Variants in TCF4 observed in about 807,000 individuals in gnomAD.
The protein encoded by TCF4 is SL3-3 enhancer factor 2.
TCF4 carries 3 observed loss-of-function variants against 82.1 expected under a neutral mutation model. The observed-to-expected ratio is 0.04, with a 90% CI of 0.02 to 0.09. TCF4 has a LOEUF of 0.09. TCF4 is among the 10% of genes least tolerant of loss of function. The probability of loss-of-function intolerance (pLI) is 1.00; values close to 1 mark genes in which losing one functional copy is unlikely to be tolerated. For missense variants in TCF4, 518 were observed against 852.7 expected, an observed-to-expected ratio of 0.61 and a Z score of 4.89; for synonymous variants, 276 against 309.6, an observed-to-expected ratio of 0.89 and a Z score of 1.14.
Position 55,586,158 on chromosome 18 carries a change from GCAGCAGCAGCAGCAGC to G in TCF4, c.73-822_73-807del, listed in dbSNP as rs2097646684. On this transcript the variant is annotated intron_variant, in intron 2 of 19. Coordinates refer to ENST00000354452, the MANE Select transcript of TCF4 (RefSeq NM_001083962.2). The stretch of plus-strand genomic sequence containing the variant: ...AGAAGGAGGAGGAGGAGGAGGAGCA[GCAGCAGCAGCAGCAGC>G]AGCAGCAGCAGCAGCAGCAGCAGCA... The G allele has an allele frequency of 7.3e-4, 87 of 119,132 alleles. 4 individuals are homozygous for G. Among genetic ancestry groups the G allele is most frequent in the Admixed American group, 1.9e-3 (7 of 3,650 alleles). 7.4% of individuals were successfully genotyped at this position (119,132 alleles called of 1,614,324 possible).
intron 15 of TCF4, among the ~76,000 whole-genome samples, chr18:55,251,822 C>A (rs926823449): frequency 6.6e-6 from 1 of 152,108 alleles, no homozygotes; most frequent in African/African-American, 2.4e-5. Context: ...TTATTTACTG[C>A]AGCTGGCCAA....
At chr18:55,244,147 T>G (rs1661067712) in intron 15 of TCF4, among the ~76,000 whole-genome samples, 1 of 152,190 alleles carries the variant, frequency 6.6e-6, no homozygotes, top group Non-Finnish European at 1.5e-5. Flanking sequence ...TCCTTTCATC[T>G]TCAGACTGGT....
At chr18:55,557,289 A>G (rs1160799439) in intron 3 of TCF4, among the ~76,000 whole-genome samples, 1 of 152,092 alleles carries the variant, frequency 6.6e-6, no homozygotes, top group African/African-American at 2.4e-5. Context: ...ACACACACAC[A>G]AAGTAGGGAG....
intron 3 of TCF4, among the ~76,000 whole-genome samples, chr18:55,542,510 T>C (rs1016617218): frequency 2.0e-5 from 3 of 152,030 alleles, no homozygotes; most frequent in Non-Finnish European, 4.4e-5. Context: ...TCATATTCAC[T>C]ACATGGATGA....
At chr18:55,362,425 G>A (rs2085646167) in intron 6 of TCF4, among the ~76,000 whole-genome samples, 1 of 136,906 alleles carries the variant, frequency 7.3e-6, no homozygotes. Flanking sequence ...AAGGAAGGAA[G>A]GAAGGAAGGA....
chr18:55,353,892 C>T (rs147344575), intron 6 of TCF4, among the ~76,000 whole-genome samples: 1 of 152,160 alleles, frequency 6.6e-6, no homozygotes, highest in Non-Finnish European at 1.5e-5. Flanking sequence ...AAAACTACAT[C>T]TACTTTCAAA....
intron 8 of TCF4, among the ~76,000 whole-genome samples, chr18:55,338,078 G>A (rs2079033390): frequency 6.6e-6 from 1 of 151,990 alleles, no homozygotes; most frequent in South Asian, 2.1e-4. Context: ...GTTAACCATT[G>A]GCTGTGACTT....
chr18:55,278,433 G>C lies in TCF4; in HGVS notation c.655+1118C>G, dbSNP rs567943022. Among the ~76,000 whole-genome samples, 238 of 152,336 alleles carry C rather than the reference G, an allele frequency of 1.6e-3. 1 individual carries two copies. Among genetic ancestry groups the C allele is most frequent in the Non-Finnish European group, 3.0e-3 (206 of 68,032 alleles). On this transcript the variant is annotated intron_variant, in intron 9 of 19. Transcript: ENST00000354452. ...ACTTGGTAACAAGATAATTACATTAGAAAATAAGTGCCACACACATATCAG... is the reference window on the plus strand; with the variant it reads ...ACTTGGTAACAAGATAATTACATTACAAAATAAGTGCCACACACATATCAG...
intron 5 of TCF4, among the ~76,000 whole-genome samples, chr18:55,430,466 A>C (rs766464575): frequency 4.6e-5 from 7 of 152,222 alleles, no homozygotes; most frequent in Admixed American, 2.6e-4. Context: ...CCCAATTTAA[A>C]AATGACACTT....
intron 3 of TCF4, among the ~76,000 whole-genome samples, chr18:55,498,904 C>G (rs886710758): frequency 8.6e-5 from 13 of 151,994 alleles, no homozygotes; most frequent in African/African-American, 2.9e-4. Context: ...CTTAAAATAC[C>G]CCTTAAATCC....
chr18:55,507,921 G>A (rs1383714741), intron 3 of TCF4, among the ~76,000 whole-genome samples: 1 of 152,084 alleles, frequency 6.6e-6, no homozygotes, highest in East Asian at 1.9e-4. Flanking sequence ...AAGTAAGGTG[G>A]AGAAACTGAC....
chr18:55,605,821 G>A (rs576470116), intron 2 of TCF4, among the ~76,000 whole-genome samples: 46 of 152,332 alleles, frequency 3.0e-4, no homozygotes, highest in South Asian at 2.1e-3. Flanking sequence ...CCTAAGAAGC[G>A]GTGGAGCCAC....
chr18:55,334,238 A>C (rs2078168399), intron 8 of TCF4, among the ~76,000 whole-genome samples: 1 of 152,198 alleles, frequency 6.6e-6, no homozygotes, highest in African/African-American at 2.4e-5. Context: ...TAAAAGCATT[A>C]TTCTTAATAG....
intron 3 of TCF4, among the ~76,000 whole-genome samples, chr18:55,527,122 C>T (rs1183819266): frequency 6.6e-6 from 1 of 152,242 alleles, no homozygotes; most frequent in Non-Finnish European, 1.5e-5. Flanking sequence ...CCTCACGCAT[C>T]TGTGCTTCCC....
At chr18:55,272,719 C>T (rs1398806460) in intron 10 of TCF4, among the ~76,000 whole-genome samples, 1 of 152,032 alleles carries the variant, frequency 6.6e-6, no homozygotes, top group South Asian at 2.1e-4. Flanking sequence ...GAGGCTCTCC[C>T]ATACATGACG....
intron 5 of TCF4, among the ~76,000 whole-genome samples, chr18:55,406,366 G>A (rs543809513): frequency 1.8e-4 from 28 of 152,020 alleles, no homozygotes; most frequent in Admixed American, 1.0e-3. Flanking sequence ...TAAAGCCCAC[G>A]CACCTTCTCA....
chr18:55,610,980 T>C (rs1292081325), intron 2 of TCF4, among the ~76,000 whole-genome samples: 2 of 152,144 alleles, frequency 1.3e-5, no homozygotes, highest in African/African-American at 4.8e-5. Context: ...CAAGATTCAT[T>C]GACACTTACC....
chr18:55,303,261 A>ACACC (rs1407915872), intron 8 of TCF4, among the ~76,000 whole-genome samples: 1 of 144,918 alleles, frequency 6.9e-6, no homozygotes, highest in East Asian at 2.0e-4. Context: ...ACACACACAC[A>ACACC]CACACACCCC....
At chr18:55,312,064 T>C (rs1029936555) in intron 8 of TCF4, among the ~76,000 whole-genome samples, 6 of 152,206 alleles carry the variant, frequency 3.9e-5, no homozygotes, top group Admixed American at 3.9e-4. Flanking sequence ...TGGCAATGCA[T>C]CTGTGAAGAC....
Sources: gnomAD v4.1 joint callset for allele counts (sites outside exome capture counted in the v4.1 genomes callset) on GRCh38, gnomAD v4.1.1 for gene constraint, MANE v1.5 for transcripts, NCBI Gene and HGNC (gene_info 2026-07-23, HGNC 2026-07-21) for gene names.